Variants in USP48 observed in about 807,000 individuals in gnomAD.
USP48 encodes the protein ubiquitin specific peptidase 48.
Under a neutral mutation model 150.7 loss-of-function variants are expected in USP48, and 43 were observed. The ratio of observed to expected loss-of-function variants is 0.29; its 90% confidence interval spans 0.22 to 0.37. USP48 has a LOEUF of 0.37. USP48 is among the 10% of genes least tolerant of loss of function. The probability of loss-of-function intolerance (pLI) is 1.00; values close to 1 mark genes in which losing one functional copy is unlikely to be tolerated. For synonymous variants in USP48, 396 were observed against 425.9 expected (o/e 0.93, Z 0.86); for missense variants, 813 against 1,249.6 (o/e 0.65, Z 5.27).
intron 1 of USP48, among the ~76,000 whole-genome samples, chr1:21,762,782 C>T (rs1176600496): frequency 6.8e-6 from 1 of 148,046 alleles, no homozygotes; most frequent in East Asian, 2.0e-4. Context: ...AGGAGAATTG[C>T]TTGAACCTGG....
chr1:21,687,615 C>T (rs1174233511), intron 24 of USP48, among the ~76,000 whole-genome samples: 1 of 152,194 alleles, frequency 6.6e-6, no homozygotes, highest in Non-Finnish European at 1.5e-5. Flanking sequence ...AAAAGTTATA[C>T]TGGTCCTCTC....
Position 21,782,991 on chromosome 1 carries a change from C to A in USP48, c.-34G>T. On this transcript the variant is annotated 5_prime_UTR_variant, in exon 1 of 27. Coordinates refer to ENST00000308271, the MANE Select transcript of USP48 (RefSeq NM_032236.8). ...CCCCAGGAACGCCTCCCGAGCCAGA[C>A]CGCCGCAGCCGCCGCCGCGGTCTGC... 1 of 1,486,608 alleles carries A rather than the reference C, an allele frequency of 6.7e-7. No homozygotes were observed. The highest frequency in any genetic ancestry group is 2.3e-5 in the Admixed American group (1 of 42,748). The allele number at this position is 1,486,608 out of a possible 1,614,324, so 92.1% of individuals were successfully genotyped here. A position where few individuals can be genotyped will look rare whatever the true frequency, so the allele number is the denominator to read the frequency against.
At position 21,772,448 on chromosome 1, in the gene USP48, C is replaced by T. The variant is rs140906937; in HGVS notation, c.134+10376G>A. Reference sequence around the variant, plus strand: ...ACCATCCCGGCTAACACAGTGAAACCCCGTCTCTACAAAAAATGCAAAAAA... The same window carrying T: ...ACCATCCCGGCTAACACAGTGAAACTCCGTCTCTACAAAAAATGCAAAAAA... On this transcript the variant is annotated intron_variant, in intron 1 of 26. Coordinates refer to ENST00000308271, the MANE Select transcript of USP48 (RefSeq NM_032236.8). Among the ~76,000 whole-genome samples, 669 of 151,650 alleles carry T rather than the reference C, an allele frequency of 4.4e-3. 5 individuals are homozygous for T. Among genetic ancestry groups the T allele is most frequent in the African/African-American group, 0.015 (622 of 41,316 alleles).
At chr1:21,685,213 C>T (rs1267100358) in intron 25 of USP48, among the ~76,000 whole-genome samples, 2 of 152,074 alleles carry the variant, frequency 1.3e-5, no homozygotes, top group Non-Finnish European at 2.9e-5. Context: ...CAATTTCTTA[C>T]ATTAGTGTTT....
At chr1:21,695,588 T>C (rs879408880) in intron 22 of USP48, among the ~76,000 whole-genome samples, 9 of 152,148 alleles carry the variant, frequency 5.9e-5, no homozygotes, top group Non-Finnish European at 1.0e-4. Flanking sequence ...CATGAGCCTG[T>C]AGTCCCAGCT....
chr1:21,680,650 G>A (rs1280025783), intron 26 of USP48, among the ~76,000 whole-genome samples, 158 bp downstream of exon 26: 1 of 152,186 alleles, frequency 6.6e-6, no homozygotes, highest in Non-Finnish European at 1.5e-5. Flanking sequence ...AAAAGATAAT[G>A]AAGAAGCTTG....
chr1:21,687,050 T>C lies in USP48; in HGVS notation c.3058+141A>G, dbSNP rs2097582124. 6.7e-6 allele frequency: 5 copies of C among 745,320 alleles called. No individual in the cohort carries two copies. In the South Asian group the frequency reaches 9.1e-5, roughly 14 times the overall value. 46.2% of individuals were successfully genotyped at this position (745,320 alleles called of 1,614,324 possible). ...CCCTCCTTTCTATGATCTTTTAAGATAATGTATTCTACTGTAACAATATGT... is the reference window on the plus strand; with the variant it reads ...CCCTCCTTTCTATGATCTTTTAAGACAATGTATTCTACTGTAACAATATGT... On this transcript the variant is annotated intron_variant, in intron 25 of 26. Coordinates refer to ENST00000308271, the MANE Select transcript of USP48 (RefSeq NM_032236.8).
At chr1:21,685,853 A>T (rs931839417) in intron 25 of USP48, 2 of 145,750 alleles carry the variant, frequency 1.4e-5, no homozygotes, top group African/African-American at 2.8e-5. Context: ...ATGGTGGCTC[A>T]TGCCTGTAAT....
At chr1:21,743,554 G>C (rs1203651788) in intron 8 of USP48, among the ~76,000 whole-genome samples, 1 of 152,014 alleles carries the variant, frequency 6.6e-6, no homozygotes, top group African/African-American at 2.4e-5. Context: ...GGAGAAAAAA[G>C]AGTAAACTAA....
At chr1:21,723,744 TCTA>T (rs1304597334) in intron 12 of USP48, among the ~76,000 whole-genome samples, 151 bp downstream of exon 12, 1 of 152,194 alleles carries the variant, frequency 6.6e-6, no homozygotes, top group Non-Finnish European at 1.5e-5. Flanking sequence ...TTGCTTAACT[TCTA>T]CTTTATTTAG....
intron 24 of USP48, among the ~76,000 whole-genome samples, chr1:21,688,376 G>A (rs1304734654): frequency 6.6e-6 from 1 of 151,754 alleles, no homozygotes; most frequent in East Asian, 2.0e-4. Flanking sequence ...CCACCACCAC[G>A]CTTGGCCAAT....
intron 1 of USP48, among the ~76,000 whole-genome samples, chr1:21,762,554 T>C (rs1462649776): frequency 6.6e-6 from 1 of 152,078 alleles, no homozygotes; most frequent in African/African-American, 2.4e-5. Flanking sequence ...TCCCTCCTCT[T>C]GGACAAGTGG....
chr1:21,732,222 T>C (rs1331988220), intron 9 of USP48, among the ~76,000 whole-genome samples: 2 of 152,072 alleles, frequency 1.3e-5, no homozygotes, highest in Admixed American at 1.3e-4. Flanking sequence ...GAGATTGTGG[T>C]GGGCCAAGAT....
At chr1:21,779,221 T>C (rs115415098) in intron 1 of USP48, among the ~76,000 whole-genome samples, 3,099 of 151,786 alleles carry the variant, frequency 0.02, 42 homozygotes, top group Middle Eastern at 0.048. Context: ...TGTTACAGAG[T>C]GAGACCTCAT....
At chr1:21,771,385 AATT>A (rs978894521) in intron 1 of USP48, among the ~76,000 whole-genome samples, 25 of 149,106 alleles carry the variant, frequency 1.7e-4, no homozygotes, top group Non-Finnish European at 2.4e-4. Context: ...AAAAAAAATA[AATT>A]ATTATTAATT....
chr1:21,712,309 A>G (rs1170139457), intron 15 of USP48, among the ~76,000 whole-genome samples: 1 of 152,236 alleles, frequency 6.6e-6, no homozygotes, highest in Non-Finnish European at 1.5e-5. Flanking sequence ...TAGTGAGCCG[A>G]GACTGCACCA....
intron 9 of USP48, 52 bp from the exon 10 acceptor site, chr1:21,729,884 TA>T: frequency 6.2e-7 from 1 of 1,612,268 alleles, no homozygotes; most frequent in East Asian, 2.2e-5. Flanking sequence ...AGAGTTTGTT[TA>T]TTCTTTAGCG....
rs1375416216 is a variant in USP48, at chr1:21,678,395, C to G, written c.*1022G>C. On this transcript the variant is annotated 3_prime_UTR_variant, in exon 27 of 27. Coordinates refer to ENST00000308271, the MANE Select transcript of USP48 (RefSeq NM_032236.8). ...GTTACGTGTTGCTAAGAATGATAAT[C>G]CTGAGTTGGATGGACAGCACATCCA... The G allele has an allele frequency of 7.9e-5, 12 of 151,484 alleles. No homozygotes were observed. The highest frequency in any genetic ancestry group is 1.8e-4 in the Non-Finnish European group (12 of 67,968). 9.4% of individuals were successfully genotyped at this position (151,484 alleles called of 1,614,324 possible).
chr1:21,746,563 C>T (rs2097795014), intron 8 of USP48, among the ~76,000 whole-genome samples: 1 of 152,008 alleles, frequency 6.6e-6, no homozygotes, highest in Admixed American at 6.6e-5. Flanking sequence ...ATGAAGACTA[C>T]CAAAAGAAAA....
Sources: allele counts gnomAD v4.1 joint callset (sites outside exome capture counted in the v4.1 genomes callset), GRCh38; gene constraint gnomAD v4.1.1; transcripts MANE v1.5; gene names NCBI Gene and HGNC (gene_info 2026-07-23, HGNC 2026-07-21).